Variants in PPP2R2B observed in about 807,000 individuals in gnomAD.
The protein encoded by PPP2R2B is serine/threonine-protein phosphatase 2A 55 kDa regulatory subunit B beta isoform.
In PPP2R2B, 5 loss-of-function variants were observed where a neutral mutation model predicts 46.0. That is an observed-to-expected ratio of 0.11 (90% CI 0.06 to 0.23). The LOEUF (loss-of-function observed/expected upper bound fraction) is 0.23. PPP2R2B is among the 10% of genes least tolerant of loss of function. The probability of loss-of-function intolerance (pLI) is 1.00; values close to 1 mark genes in which losing one functional copy is unlikely to be tolerated. For missense variants in PPP2R2B, 367 were observed against 575.0 expected, an observed-to-expected ratio of 0.64 and a Z score of 3.70; for synonymous variants, 215 against 206.7, an observed-to-expected ratio of 1.04 and a Z score of -0.34.
intron 1 of PPP2R2B, among the ~76,000 whole-genome samples, chr5:146,898,041 C>T (rs184014533): frequency 1.7e-3 from 265 of 152,154 alleles, no homozygotes; most frequent in Non-Finnish European, 3.4e-3. Context: ...AAAAATTAGC[C>T]GGGTGTGGTG....
intron 1 of PPP2R2B, among the ~76,000 whole-genome samples, chr5:146,990,862 A>G (rs1261311569): frequency 6.6e-6 from 1 of 151,968 alleles, no homozygotes; most frequent in Non-Finnish European, 1.5e-5. Context: ...TTCAATAGCA[A>G]AAAAAGAAAG....
chr5:146,892,031 T>C (rs1311396963), intron 1 of PPP2R2B, among the ~76,000 whole-genome samples: 1 of 152,218 alleles, frequency 6.6e-6, no homozygotes, highest in East Asian at 1.9e-4. Context: ...AGTGACACTT[T>C]CCAGACTGTC....
At chr5:147,061,487 A>G (rs567140755) in intron 2 of PPP2R2B, among the ~76,000 whole-genome samples, 2 of 152,212 alleles carry the variant, frequency 1.3e-5, no homozygotes, top group East Asian at 3.9e-4. Flanking sequence ...AAAATAATTT[A>G]TTTAACATTT....
At chr5:146,606,513 T>C (rs141668595) in intron 7 of PPP2R2B, among the ~76,000 whole-genome samples, 1 of 152,310 alleles carries the variant, frequency 6.6e-6, no homozygotes, top group East Asian at 1.9e-4. Flanking sequence ...GTACCTATGT[T>C]CTAGGGCGGT....
At chr5:146,897,738 A>T (rs950094607) in intron 1 of PPP2R2B, among the ~76,000 whole-genome samples, 4 of 152,218 alleles carry the variant, frequency 2.6e-5, no homozygotes, top group African/African-American at 4.8e-5. Context: ...GTGCAGAAAC[A>T]TTTAAAAGGA....
Position 147,081,070 on chromosome 5 carries a change from C to A in PPP2R2B, c.39G>T (p.Trp13Cys), listed in dbSNP as rs755099400. The change falls in exon 2 of 11, where the codon TGG becomes TGT. Residue 13 changes from tryptophan (W) to cysteine (C), a missense_variant. By Grantham distance (215) the Trp-to-Cys change is radical (BLOSUM62 -2). Coordinates refer to the PPP2R2B transcript ENST00000394413. ...GGGATTTCTCCTACCTTCTGTGGTT[C>A]CAATCTCGATAGTGCCTTTCACTTG... 2.0e-5 allele frequency: 31 copies of A among 1,535,306 alleles called. 2 individuals carry two copies. The South Asian group carries it at 3.6e-4, about 18-fold the overall frequency.
intron 2 of PPP2R2B, among the ~76,000 whole-genome samples, chr5:146,755,269 C>G (rs1753773200): frequency 6.6e-6 from 1 of 152,038 alleles, no homozygotes; most frequent in Non-Finnish European, 1.5e-5. Context: ...TTAGAAAGCA[C>G]TAAAAGGGAA....
rs113126770 is a variant in PPP2R2B, at chr5:146,718,184, C to T, written c.71-17042G>A. 4.1e-3 allele frequency among the ~76,000 whole-genome samples: 628 copies of T among 152,046 alleles called. 6 individuals are homozygous for T. Among genetic ancestry groups the T allele is most frequent in the African/African-American group, 0.015 (605 of 41,470 alleles). ...GTTTGACACATAGTAGACATGCAAG[C>T]ATTGTTCAAGGAAAGTATGGTTTTC... On this transcript the variant is annotated intron_variant, in intron 2 of 9. Coordinates refer to ENST00000394411, the MANE Select transcript of PPP2R2B (RefSeq NM_181675.4).
chr5:146,882,131 C>G (rs319207), upstream of PPP2R2B, among the ~76,000 whole-genome samples: 74,668 of 151,616 alleles, frequency 0.49, 20,247 homozygotes, highest in East Asian at 0.72. Context: ...CAAAAAATTA[C>G]CCAGGCATGG....
At chr5:147,008,407 A>T (rs1754551789) in intron 1 of PPP2R2B, among the ~76,000 whole-genome samples, 1 of 152,168 alleles carries the variant, frequency 6.6e-6, no homozygotes, top group Non-Finnish European at 1.5e-5. Context: ...ATATTTATGA[A>T]ACACCTTATG....
At chr5:146,745,936 C>T (rs529051073) in intron 2 of PPP2R2B, among the ~76,000 whole-genome samples, 134 of 149,010 alleles carry the variant, frequency 9.0e-4, no homozygotes, top group African/African-American at 3.0e-3. Flanking sequence ...CCAGCCTGGG[C>T]GACAGAGAGA....
rs541522063 is a variant in PPP2R2B at position 146,672,580 on chromosome 5, A to G, written c.447+18548T>C. ...TTCGCATGTACCAGATTAAAGTTACATTATCTATCCCAACACAGAAAACTG... is the reference window on the plus strand; with the variant it reads ...TTCGCATGTACCAGATTAAAGTTACGTTATCTATCCCAACACAGAAAACTG... On this transcript the variant is annotated intron_variant, in intron 5 of 9. Transcript: ENST00000394411. Among the ~76,000 whole-genome samples, 7 of 152,268 alleles carry G rather than the reference A, an allele frequency of 4.6e-5. No homozygotes were observed. In the South Asian group the frequency reaches 1.5e-3, roughly 32 times the overall value.
intron 5 of PPP2R2B, among the ~76,000 whole-genome samples, chr5:146,654,719 T>C (rs1776207472): frequency 6.6e-6 from 1 of 152,148 alleles, no homozygotes; most frequent in Non-Finnish European, 1.5e-5. Context: ...GTTCTTGAAA[T>C]CTACAGATGA....
chr5:146,993,408 A>G (rs1208289889), intron 1 of PPP2R2B, among the ~76,000 whole-genome samples: 1 of 149,506 alleles, frequency 6.7e-6, no homozygotes, highest in Non-Finnish European at 1.5e-5. Context: ...CACCTGACTA[A>G]TTTTTGTATT....
chr5:146,986,843 C>T (rs1446128657), intron 1 of PPP2R2B, among the ~76,000 whole-genome samples: 2 of 151,948 alleles, frequency 1.3e-5, no homozygotes, highest in African/African-American at 2.4e-5. Flanking sequence ...GGGTGGAAAG[C>T]TTATTTAAAG....
chr5:146,878,852 A>T, upstream of PPP2R2B: 1 of 1,205,988 alleles, frequency 8.3e-7, no homozygotes, highest in Non-Finnish European at 1.1e-6. The surrounding 1 kb of genome is among the most constrained non-coding windows in gnomAD (Gnocchi z 4.5). Context: ...GTGGTGGCCG[A>T]GGCAGAGGCT....
chr5:146,936,529 G>A (rs57629536), intron 1 of PPP2R2B, among the ~76,000 whole-genome samples: 3,426 of 78,092 alleles, frequency 0.044, 61 homozygotes, highest in East Asian at 0.11. Flanking sequence ...AAAAAAAAAA[G>A]AAAAAACAAG....
intron 1 of PPP2R2B, among the ~76,000 whole-genome samples, chr5:146,951,903 G>T (rs1209900148): frequency 6.7e-6 from 1 of 150,284 alleles, no homozygotes; most frequent in Non-Finnish European, 1.5e-5. Flanking sequence ...GTCAAATGGT[G>T]TTTCTGGTTC....
chr5:146,694,229 G>T (rs544743306), intron 4 of PPP2R2B, among the ~76,000 whole-genome samples: 1 of 152,342 alleles, frequency 6.6e-6, no homozygotes, highest in Admixed American at 6.5e-5. Flanking sequence ...AGGCTGCTAA[G>T]TGTATGATTT....
Sources: gnomAD v4.1 joint callset for allele counts (sites outside exome capture counted in the v4.1 genomes callset) on GRCh38, gnomAD v4.1.1 for gene constraint, Gnocchi (gnomAD v3.1) non-coding constraint, MANE v1.5 for transcripts, NCBI Gene and HGNC (gene_info 2026-07-23, HGNC 2026-07-21) for gene names.